Variants in STK33 observed in about 807,000 individuals in gnomAD.
STK33 encodes the protein serine/threonine-protein kinase 33.
Under a neutral mutation model 58.0 loss-of-function variants are expected in STK33, and 52 were observed. The observed-to-expected ratio is 0.90, with a 90% CI of 0.72 to 1.13. The LOEUF (loss-of-function observed/expected upper bound fraction) is 1.13. Among genes scored for constraint, STK33 ranks in the 50% most tolerant of loss-of-function variants. The pLI is 0.00. For missense variants in STK33, 630 were observed against 604.2 expected, an observed-to-expected ratio of 1.04 and a Z score of -0.45; for synonymous variants, 215 against 200.1, an observed-to-expected ratio of 1.07 and a Z score of -0.63.
chr11:8,508,801 A>G (rs1276089435), intron 1 of STK33, among the ~76,000 whole-genome samples: 1 of 152,146 alleles, frequency 6.6e-6, no homozygotes, highest in Non-Finnish European at 1.5e-5. Flanking sequence ...ATGAATAACC[A>G]TCAAGGTCTC....
At chr11:8,570,139 A>AAT (rs780468334) in intron 1 of STK33, among the ~76,000 whole-genome samples, 237 of 152,326 alleles carry the variant, frequency 1.6e-3, no homozygotes, top group African/African-American at 5.1e-3. Flanking sequence ...AGGATATATG[A>AAT]GTGTTCAATT....
At chr11:8,349,841 C>T in the STK33 span, among the ~76,000 whole-genome samples, 1 of 152,246 alleles carries the variant, frequency 6.6e-6, no homozygotes, top group Non-Finnish European at 1.5e-5. Context: ...TGGCTTCTTC[C>T]CCTTCTCTGT....
In STK33 at chr11:8,454,829, A is replaced by G. The variant is rs1946657995; in HGVS notation, c.701T>C (p.Ile234Thr). 20 of 1,550,008 alleles carry G rather than the reference A, an allele frequency of 1.3e-5. No individual in the cohort carries two copies. The highest frequency in any genetic ancestry group is 1.6e-5 in the Non-Finnish European group (18 of 1,144,112). ...TTCCAGTTTCAGATCTCTATGTACA[A>G]TATCTACCAAGAAAATAAACAACAA... ...SAIAYLHNND[I>T]VHRDLKLENI... The change falls in exon 10 of 16, where the codon ATT becomes ACT. Residue 234 changes from isoleucine to threonine, a missense_variant. By Grantham distance (89) the Ile-to-Thr change is moderately conservative (BLOSUM62 -1). Transcript: ENST00000687296.
intron 1 of STK33, among the ~76,000 whole-genome samples, chr11:8,534,409 T>G (rs189109032): frequency 6.6e-6 from 1 of 152,294 alleles, no homozygotes; most frequent in East Asian, 1.9e-4. Flanking sequence ...TGCAATGTTT[T>G]ACAAACTATA....
intron 10 of STK33, among the ~76,000 whole-genome samples, chr11:8,454,268 C>T (rs927898174): frequency 2.6e-5 from 4 of 152,178 alleles, no homozygotes; most frequent in Admixed American, 6.5e-5. Flanking sequence ...TTAGGGAACA[C>T]TTAATTTGAA....
chr11:8,527,775 T>G (rs1412405539), intron 1 of STK33, among the ~76,000 whole-genome samples: 2 of 152,126 alleles, frequency 1.3e-5, no homozygotes, highest in African/African-American at 4.8e-5. Flanking sequence ...ACAATAGCAA[T>G]GACTATATGA....
chr11:8,458,370 T>C (rs928457815), intron 8 of STK33, among the ~76,000 whole-genome samples: 6 of 151,868 alleles, frequency 4.0e-5, no homozygotes, highest in Non-Finnish European at 5.9e-5. Context: ...ATATTACTCT[T>C]TTACATTTTT....
intron 15 of STK33, among the ~76,000 whole-genome samples, chr11:8,394,906 T>A (rs1252450677): frequency 6.6e-6 from 1 of 152,188 alleles, no homozygotes; most frequent in Non-Finnish European, 1.5e-5. Context: ...AGATAGTACA[T>A]CCCCATGATT....
intron 6 of STK33, among the ~76,000 whole-genome samples, chr11:8,472,465 G>A (rs1160273035): frequency 3.3e-5 from 5 of 152,106 alleles, no homozygotes; most frequent in Non-Finnish European, 7.4e-5. Context: ...GTGTATCAGG[G>A]ACTAGGGAGG....
chr11:8,435,406 T>C (rs1197658905), intron 14 of STK33, 88 bp downstream of exon 14: 1 of 694,782 alleles, frequency 1.4e-6, no homozygotes, highest in Non-Finnish European at 2.1e-6. Context: ...TTGACTGTTT[T>C]AAGACTATGA....
chr11:8,352,736 T>TAATATA, the STK33 span, among the ~76,000 whole-genome samples: 2 of 152,152 alleles, frequency 1.3e-5, no homozygotes, highest in African/African-American at 4.8e-5. Context: ...TGGCTGCAAT[T>TAATATA]AATATAAAAG....
intron 14 of STK33, among the ~76,000 whole-genome samples, chr11:8,416,975 G>C (rs867591847): frequency 6.6e-5 from 10 of 152,190 alleles, no homozygotes; most frequent in Non-Finnish European, 8.8e-5. Context: ...CAGATACTTG[G>C]ACTAACCAAT....
At position 8,413,589 on chromosome 11, in the gene STK33, T is replaced by C. The variant is rs1940653531; in HGVS notation, c.1250A>G (p.Asn417Ser). Residue 417 changes from asparagine to serine, a missense_variant, in exon 15 of 16, where the codon AAT becomes AGT. Coordinates refer to ENST00000687296, the MANE Select transcript of STK33 (RefSeq NM_001352389.2). Reference sequence around the variant, plus strand: ...CAACTTTTCTTCAGTGGACGGCTTATTCTTCTCTTCTGTTGTGTTTTCCTC... The same window carrying C: ...CAACTTTTCTTCAGTGGACGGCTTACTCTTCTCTTCTGTTGTGTTTTCCTC... ...SVEENTTEEK[N>S]KPSTEEKLKS... 6.2e-7 allele frequency: 1 copy of C among 1,614,104 alleles called. No homozygotes were observed. Among genetic ancestry groups the C allele is most frequent in the Non-Finnish European group, 8.5e-7 (1 of 1,179,976 alleles).
At position 8,519,956 on chromosome 11, in the gene STK33, C is replaced by T. The variant is rs1293645233; in HGVS notation, c.-465-39342G>A. Among the ~76,000 whole-genome samples, 3 of 152,114 alleles carry T rather than the reference C, an allele frequency of 2.0e-5. No individual in the cohort carries two copies. In the East Asian group the frequency reaches 5.8e-4, roughly 29 times the overall value. ...CCATTCCTTCTGAAGCTATTTCAAT[C>T]AATAGAAAAAGAGAAAATCCTCCCT... On this transcript the variant is annotated intron_variant, in intron 1 of 15. Transcript: ENST00000687296.
intron 14 of STK33, among the ~76,000 whole-genome samples, chr11:8,421,008 T>C (rs915817694): frequency 2.0e-5 from 3 of 151,468 alleles, no homozygotes; most frequent in African/African-American, 4.8e-5. Flanking sequence ...AGGGGGGGAA[T>C]ATTTTTTGTT....
chr11:8,480,150 C>T (rs879276346), intron 2 of STK33, among the ~76,000 whole-genome samples: 3 of 152,024 alleles, frequency 2.0e-5, no homozygotes, highest in African/African-American at 4.8e-5. Flanking sequence ...CAGTGGGTGC[C>T]GATTTCCATC....
At chr11:8,339,643 C>T in the STK33 span, among the ~76,000 whole-genome samples, 1 of 149,850 alleles carries the variant, frequency 6.7e-6, no homozygotes, top group Admixed American at 6.6e-5. Flanking sequence ...TGGGCTGACC[C>T]GTGCACAGCC....
Position 8,454,738 on chromosome 11 carries a change from T to C in STK33, c.786+6A>G, listed in dbSNP as rs1946647504. On this transcript the variant is annotated splice_donor_region_variant and intron_variant, in intron 10 of 15. Coordinates refer to ENST00000687296, the MANE Select transcript of STK33 (RefSeq NM_001352389.2). ...GGCAAATATTTACCACCATTGCTAATCTTACCTTTATGTTTAAGTTTATTT... is the reference window on the plus strand; with the variant it reads ...GGCAAATATTTACCACCATTGCTAACCTTACCTTTATGTTTAAGTTTATTT... 2 of 1,567,386 alleles carry C rather than the reference T, an allele frequency of 1.3e-6. No individual in the cohort carries two copies. The highest frequency in any genetic ancestry group is 1.7e-6 in the Non-Finnish European group (2 of 1,155,808).
intron 12 of STK33, among the ~76,000 whole-genome samples, chr11:8,438,395 A>C (rs1346470925): frequency 6.6e-6 from 1 of 152,228 alleles, no homozygotes; most frequent in African/African-American, 2.4e-5. Flanking sequence ...CACCTTGAGA[A>C]AGTATGTTAT....
Sources: allele counts gnomAD v4.1 joint callset (sites outside exome capture counted in the v4.1 genomes callset), GRCh38; gene constraint gnomAD v4.1.1; transcripts MANE v1.5; gene names NCBI Gene and HGNC (gene_info 2026-07-23, HGNC 2026-07-21).